The following GPC6 variants were observed in gnomAD, a reference collection of about 807,000 sequenced individuals.
GPC6 encodes glypican 6.
In GPC6, 14 loss-of-function variants were observed where a neutral mutation model predicts 55.2. That is an observed-to-expected ratio of 0.25 (90% CI 0.17 to 0.40). GPC6 has a LOEUF of 0.40. GPC6 is among the 10% of genes least tolerant of loss of function. The pLI is 1.00. For synonymous variants in GPC6, 278 were observed against 259.6 expected, an observed-to-expected ratio of 1.07 and a Z score of -0.68; for missense variants, 641 against 708.5, an observed-to-expected ratio of 0.90 and a Z score of 1.08.
At chr13:93,258,208 G>C (rs1877019459) in intron 1 of GPC6, among the ~76,000 whole-genome samples, 2 of 152,196 alleles carry the variant, frequency 1.3e-5, no homozygotes, top group African/African-American at 4.8e-5. Context: ...CATCCAAGGT[G>C]TGGGTACATG....
chr13:93,741,461 C>T (rs1211140670), intron 2 of GPC6, among the ~76,000 whole-genome samples: 2 of 152,104 alleles, frequency 1.3e-5, no homozygotes, highest in Non-Finnish European at 2.9e-5. Flanking sequence ...AGTCACAGGG[C>T]AAGTTATTTA....
intron 2 of GPC6, among the ~76,000 whole-genome samples, chr13:93,565,236 G>C (rs757655000): frequency 6.6e-6 from 1 of 152,116 alleles, no homozygotes; most frequent in Non-Finnish European, 1.5e-5. Context: ...GCAGCACTCA[G>C]TGTAACATTC....
At chr13:93,609,491 G>A (rs1878378520) in intron 2 of GPC6, among the ~76,000 whole-genome samples, 1 of 152,172 alleles carries the variant, frequency 6.6e-6, no homozygotes, top group Non-Finnish European at 1.5e-5. Flanking sequence ...GCCGGCCTTG[G>A]CCTCTCACAG....
chr13:94,063,072 T>G (rs910078536), intron 4 of GPC6, among the ~76,000 whole-genome samples: 2 of 152,186 alleles, frequency 1.3e-5, no homozygotes, highest in Non-Finnish European at 2.9e-5. Context: ...GACCTGTTTG[T>G]TTTCAGTGGT....
chr13:94,159,381 G>A lies in GPC6; in HGVS notation c.878-126968G>A, dbSNP rs114935330. ...AGATTTAATGGACTCACAGCTCCAC[G>A]TGGTTGGGGAGGCTTCACAATCATG... is the stretch of plus-strand genomic sequence containing the variant. On this transcript the variant is annotated intron_variant, in intron 4 of 8. Transcript: ENST00000377047. 4.1e-3 allele frequency among the ~76,000 whole-genome samples: 629 copies of A among 152,264 alleles called. 8 individuals are homozygous for A. Among genetic ancestry groups the A allele is most frequent in the African/African-American group, 0.015 (606 of 41,560 alleles).
chr13:93,986,944 G>A (rs1566635518), intron 3 of GPC6, among the ~76,000 whole-genome samples: 2 of 152,104 alleles, frequency 1.3e-5, no homozygotes, highest in Non-Finnish European at 2.9e-5. Flanking sequence ...CTTAATGATT[G>A]CATAATATTT....
chr13:93,698,841 C>G (rs1162587840), intron 2 of GPC6, among the ~76,000 whole-genome samples: 1 of 151,672 alleles, frequency 6.6e-6, no homozygotes, highest in Admixed American at 6.6e-5. Flanking sequence ...CCTTTTTTCT[C>G]TCAATGCAAT....
At chr13:93,934,841 A>G (rs1227938155) in intron 3 of GPC6, among the ~76,000 whole-genome samples, 2 of 148,808 alleles carry the variant, frequency 1.3e-5, no homozygotes, top group Non-Finnish European at 3.0e-5. Context: ...TAAGGATACA[A>G]TATGTGACCA....
intron 1 of GPC6, among the ~76,000 whole-genome samples, chr13:93,517,902 A>G (rs556311882): frequency 6.6e-6 from 1 of 152,036 alleles, no homozygotes; most frequent in African/African-American, 2.4e-5. Context: ...ATCAGTGGCT[A>G]TTTTTCCTTT....
intron 1 of GPC6, among the ~76,000 whole-genome samples, chr13:93,271,156 G>A (rs1336873554): frequency 6.6e-6 from 1 of 152,176 alleles, no homozygotes; most frequent in Non-Finnish European, 1.5e-5. Context: ...GAGCAGGAGA[G>A]AGGCCTGGCG....
intron 1 of GPC6, among the ~76,000 whole-genome samples, chr13:93,273,910 G>A (rs1877637297): frequency 6.6e-6 from 1 of 151,926 alleles, no homozygotes; most frequent in African/African-American, 2.4e-5. Flanking sequence ...CCAGGTTCAA[G>A]CAATTCTGTG....
At chr13:94,396,017 G>C (rs576936688) in intron 7 of GPC6, among the ~76,000 whole-genome samples, 7 of 152,186 alleles carry the variant, frequency 4.6e-5, no homozygotes, top group Non-Finnish European at 7.4e-5. Context: ...ATCCTGCCCC[G>C]GTCCCCTCCC....
chr13:94,402,091 C>G (rs7319696), intron 8 of GPC6, among the ~76,000 whole-genome samples: 77,543 of 152,100 alleles, frequency 0.51, 21,248 homozygotes, highest in African/African-American at 0.67. Flanking sequence ...TTTAAAGGGA[C>G]AAGCTGGCTG....
At chr13:93,546,285 C>T (rs550875269) in intron 2 of GPC6, among the ~76,000 whole-genome samples, 4 of 152,312 alleles carry the variant, frequency 2.6e-5, no homozygotes, top group Non-Finnish European at 4.4e-5. Flanking sequence ...ATTTTCTTCT[C>T]TCAGTTCAGT....
chr13:94,372,365 G>A (rs1272608872), intron 6 of GPC6, among the ~76,000 whole-genome samples: 61 of 152,128 alleles, frequency 4.0e-4, no homozygotes, highest in African/African-American at 1.2e-3. Flanking sequence ...CGCACCGTGC[G>A]CGAGCCGAAG....
intron 2 of GPC6, among the ~76,000 whole-genome samples, chr13:93,658,914 C>T (rs2139609506): frequency 6.6e-6 from 1 of 151,804 alleles, no homozygotes; most frequent in Non-Finnish European, 1.5e-5. Flanking sequence ...ATTTTTCCTA[C>T]TTTGTTTTCA....
intron 6 of GPC6, among the ~76,000 whole-genome samples, chr13:94,353,727 A>G (rs778360897): frequency 3.3e-5 from 5 of 152,214 alleles, no homozygotes; most frequent in Non-Finnish European, 7.3e-5. Context: ...AATTTCATCC[A>G]GTCACCTGAC....
At chr13:93,369,396 G>T (rs754804269) in intron 1 of GPC6, among the ~76,000 whole-genome samples, 14 of 152,004 alleles carry the variant, frequency 9.2e-5, no homozygotes, top group Non-Finnish European at 2.1e-4. Flanking sequence ...CTATATCAAA[G>T]GATAAGTACA....
At chr13:93,539,865 A>G (rs1289685526) in intron 1 of GPC6, among the ~76,000 whole-genome samples, 1 of 151,832 alleles carries the variant, frequency 6.6e-6, no homozygotes, top group Admixed American at 6.6e-5. Flanking sequence ...CTAATTTTGT[A>G]TTTTTAGTGG....
Sources: allele counts gnomAD v4.1 joint callset (sites outside exome capture counted in the v4.1 genomes callset), GRCh38; gene constraint gnomAD v4.1.1; transcripts MANE v1.5; gene names NCBI Gene and HGNC (gene_info 2026-07-23, HGNC 2026-07-21).